The following PPARGC1A variants were observed in gnomAD, a reference collection of about 807,000 sequenced individuals.
The protein encoded by PPARGC1A is PPARG coactivator 1 alpha, also known as peroxisome proliferator-activated receptor gamma coactivator 1-alpha.
PPARGC1A carries 25 observed loss-of-function variants against 88.7 expected under a neutral mutation model. That is an observed-to-expected ratio of 0.28 (90% CI 0.21 to 0.39). The LOEUF is 0.39. Among genes scored for constraint, PPARGC1A ranks in the 10% least tolerant of loss-of-function variants. The pLI is 1.00. For synonymous variants in PPARGC1A, 363 were observed against 355.6 expected (o/e 1.02, Z -0.24); for missense variants, 880 against 968.7 (o/e 0.91, Z 1.22).
the PPARGC1A span, among the ~76,000 whole-genome samples, chr4:23,911,225 T>C: frequency 6.6e-6 from 1 of 152,178 alleles, no homozygotes; most frequent in Non-Finnish European, 1.5e-5. Context: ...CCCCCTCCCC[T>C]ACTTTGATAT....
the PPARGC1A span, among the ~76,000 whole-genome samples, chr4:23,960,048 C>T: frequency 1.3e-5 from 2 of 152,118 alleles, no homozygotes; most frequent in African/African-American, 4.8e-5. Context: ...ACACACAACA[C>T]GGTATGATTT....
chr4:24,206,160 A>G, the PPARGC1A span, among the ~76,000 whole-genome samples: 1 of 152,220 alleles, frequency 6.6e-6, no homozygotes, highest in Non-Finnish European at 1.5e-5. Context: ...ATAAAAAAAT[A>G]AAGGGCCAAA....
intron 2 of PPARGC1A, among the ~76,000 whole-genome samples, chr4:23,862,785 A>T (rs1168939686): frequency 1.3e-5 from 2 of 152,210 alleles, no homozygotes; most frequent in Non-Finnish European, 2.9e-5. Context: ...AAAAATCTTT[A>T]CTATGTGGGG....
chr4:23,932,675 GTATT>G, the PPARGC1A span, among the ~76,000 whole-genome samples: 1 of 151,950 alleles, frequency 6.6e-6, no homozygotes, highest in Non-Finnish European at 1.5e-5. Flanking sequence ...ATAAAAAACT[GTATT>G]TAGTAGAAAG....
chr4:24,325,474 G>A, the PPARGC1A span, among the ~76,000 whole-genome samples: 6 of 152,144 alleles, frequency 3.9e-5, no homozygotes, highest in Non-Finnish European at 8.8e-5. Flanking sequence ...TCCTCCCCCA[G>A]GAGCTTGCTA....
the PPARGC1A span, among the ~76,000 whole-genome samples, chr4:24,041,880 G>A: frequency 2.0e-5 from 3 of 151,326 alleles, no homozygotes; most frequent in Non-Finnish European, 4.4e-5. Context: ...GTGTCAGATT[G>A]TGAGATATGA....
the PPARGC1A span, among the ~76,000 whole-genome samples, chr4:23,970,906 C>T: frequency 6.6e-6 from 1 of 152,042 alleles, no homozygotes; most frequent in African/African-American, 2.4e-5. Flanking sequence ...TGTCTATTTC[C>T]TAGTATCCTT....
At chr4:24,183,091 G>A in the PPARGC1A span, among the ~76,000 whole-genome samples, 1 of 152,158 alleles carries the variant, frequency 6.6e-6, no homozygotes, top group African/African-American at 2.4e-5. Context: ...ATGATGTAAT[G>A]AGGACCAGAT....
intron 12 of PPARGC1A, among the ~76,000 whole-genome samples, chr4:23,801,503 G>T (rs754866871): frequency 1.3e-5 from 2 of 152,118 alleles, no homozygotes; most frequent in Admixed American, 6.6e-5. Flanking sequence ...ACAATTTTCA[G>T]CACCTGAGTA....
chr4:23,946,303 A>G, the PPARGC1A span, among the ~76,000 whole-genome samples: 1 of 152,176 alleles, frequency 6.6e-6, no homozygotes, highest in South Asian at 2.1e-4. Flanking sequence ...GCCCAGCAAG[A>G]TTAAAGCAGG....
At chr4:23,962,667 A>T in the PPARGC1A span, among the ~76,000 whole-genome samples, 2 of 152,186 alleles carry the variant, frequency 1.3e-5, no homozygotes, top group Non-Finnish European at 2.9e-5. Context: ...TTACTGCATG[A>T]ATTTGGTCTG....
intron 2 of PPARGC1A, among the ~76,000 whole-genome samples, chr4:23,840,638 GAACT>G (rs917026144): frequency 1.3e-5 from 2 of 151,968 alleles, no homozygotes; most frequent in African/African-American, 4.8e-5. Context: ...TCTTCTTCAT[GAACT>G]ATCTAAAAGG....
At chr4:24,042,234 G>GT in the PPARGC1A span, among the ~76,000 whole-genome samples, 7 of 152,162 alleles carry the variant, frequency 4.6e-5, no homozygotes, top group Non-Finnish European at 1.0e-4. Context: ...GTATTCAGCT[G>GT]TTTTTTATTA....
chr4:24,066,409 T>C, the PPARGC1A span, among the ~76,000 whole-genome samples: 1 of 152,186 alleles, frequency 6.6e-6, no homozygotes, highest in Non-Finnish European at 1.5e-5. Context: ...AAAGGTAGAA[T>C]TATGGCCCTC....
At chr4:24,045,869 G>A in the PPARGC1A span, among the ~76,000 whole-genome samples, 2 of 152,018 alleles carry the variant, frequency 1.3e-5, no homozygotes, top group African/African-American at 2.4e-5. Flanking sequence ...TACCAAAAAC[G>A]GGCTACATCA....
the PPARGC1A span, among the ~76,000 whole-genome samples, chr4:24,438,890 A>T: frequency 6.6e-6 from 1 of 152,048 alleles, no homozygotes; most frequent in African/African-American, 2.4e-5. Context: ...TAAAAAAATA[A>T]AGTGGAGCAC....
chr4:23,801,855 C>A lies in PPARGC1A; in HGVS notation c.2168G>T (p.Arg723Leu). ...AGCAGCAAAAGCATCACAGGTATAA[C>A]GGTAGGTAATGAAACCATAGCTGTC... ...DGDSYGFITY[R>L]YTCDAFAALE... Residue 723 changes from arginine (R) to leucine (L), a missense_variant, in exon 12 of 13, where the codon CGT becomes CTT. Transcript: ENST00000264867. 2 of 1,613,926 alleles carry A rather than the reference C, an allele frequency of 1.2e-6. No individual in the cohort carries two copies. The highest frequency in any genetic ancestry group is 1.7e-6 in the Non-Finnish European group (2 of 1,179,938).
At chr4:24,463,324 T>A in the PPARGC1A span, among the ~76,000 whole-genome samples, 1 of 152,228 alleles carries the variant, frequency 6.6e-6, no homozygotes, top group Non-Finnish European at 1.5e-5. Context: ...GATTCCCACT[T>A]TTCCTTTTTT....
At chr4:23,998,983 A>G in the PPARGC1A span, among the ~76,000 whole-genome samples, 1 of 152,226 alleles carries the variant, frequency 6.6e-6, no homozygotes, top group African/African-American at 2.4e-5. Context: ...GCACATTGAG[A>G]TCAATCTTAT....
Sources: gnomAD v4.1 joint callset for allele counts (sites outside exome capture counted in the v4.1 genomes callset) on GRCh38, gnomAD v4.1.1 for gene constraint, MANE v1.5 for transcripts, NCBI Gene and HGNC (gene_info 2026-07-23, HGNC 2026-07-21) for gene names.